Variants in COLEC11 observed in about 807,000 individuals in gnomAD.
The protein encoded by COLEC11 is collectin subfamily member 11.
A neutral mutation model predicts 27.3 loss-of-function variants in COLEC11; 20 were observed. That is an observed-to-expected ratio of 0.73 (90% CI 0.51 to 1.06). The LOEUF (loss-of-function observed/expected upper bound fraction) is 1.06. COLEC11 is among the 50% of genes least tolerant of loss of function. The probability of loss-of-function intolerance (pLI) is 0.00; values close to 1 mark genes in which losing one functional copy is unlikely to be tolerated. For synonymous variants in COLEC11, 163 were observed against 154.7 expected (o/e 1.05, Z -0.40); for missense variants, 310 against 383.0 (o/e 0.81, Z 1.59).
chr2:3,643,287 G>C (rs1279340727), intron 5 of COLEC11, among the ~76,000 whole-genome samples, 157 bp from the exon 6 acceptor site: 1 of 152,228 alleles, frequency 6.6e-6, no homozygotes, highest in Non-Finnish European at 1.5e-5. Context: ...TGCTCCCCCT[G>C]CCTTTAGGAT....
At chr2:3,631,065 T>A (rs1558511417) in intron 3 of COLEC11, among the ~76,000 whole-genome samples, 1 of 152,082 alleles carries the variant, frequency 6.6e-6, no homozygotes, top group Non-Finnish European at 1.5e-5. Flanking sequence ...ACCCCATCTC[T>A]ACTAAAAATA....
intron 1 of COLEC11, chr2:3,603,787 C>T (rs1194899372): frequency 3.2e-6 from 3 of 941,318 alleles, no homozygotes. Context: ...CCTTACTGAT[C>T]TCACCGAGGA....
intron 3 of COLEC11, among the ~76,000 whole-genome samples, chr2:3,624,407 T>G (rs1476115877): frequency 3.9e-5 from 6 of 152,214 alleles, no homozygotes; most frequent in African/African-American, 1.2e-4. Flanking sequence ...TCCATAGCCT[T>G]TCTTCCTAGC....
At position 3,644,439 on chromosome 2, in the gene COLEC11, G is replaced by C. The variant is rs1202887542; in HGVS notation, c.*321G>C. 1 of 546,992 alleles carries C rather than the reference G, an allele frequency of 1.8e-6. No homozygotes were observed. Among genetic ancestry groups the C allele is most frequent in the Non-Finnish European group, 3.5e-6 (1 of 288,264 alleles). The allele number at this position is 546,992 out of a possible 1,614,324, so 33.9% of individuals were successfully genotyped here. On this transcript the variant is annotated 3_prime_UTR_variant, in exon 7 of 7. Transcript: ENST00000349077. The stretch of plus-strand genomic sequence containing the variant: ...AGCTATACAATAAAATCTTTAAGTA[G>C]TGCAGTAGTTAAGTCCAAATAGTGG...
chr2:3,642,457 C>G (rs965461665), intron 5 of COLEC11, among the ~76,000 whole-genome samples: 1 of 152,166 alleles, frequency 6.6e-6, no homozygotes, highest in Non-Finnish European at 1.5e-5. Flanking sequence ...TCCCTCTCAT[C>G]AGGCCACTTG....
intron 3 of COLEC11, among the ~76,000 whole-genome samples, chr2:3,631,678 G>A (rs1346773761): frequency 3.3e-5 from 5 of 152,098 alleles, no homozygotes; most frequent in Non-Finnish European, 7.4e-5. Context: ...GAGAGGGCTC[G>A]GAGGGGCCCC....
intron 3 of COLEC11, among the ~76,000 whole-genome samples, chr2:3,619,550 G>A (rs1268952525): frequency 6.6e-6 from 1 of 152,176 alleles, no homozygotes; most frequent in Non-Finnish European, 1.5e-5. Flanking sequence ...TCTTCATTCT[G>A]TTAATGTGGC....
At chr2:3,625,743 C>T (rs1664507848) in intron 3 of COLEC11, among the ~76,000 whole-genome samples, 1 of 142,548 alleles carries the variant, frequency 7.0e-6, no homozygotes, top group African/African-American at 2.6e-5. Flanking sequence ...AGTGATTCTC[C>T]TGCCTCAGCC....
intron 2 of COLEC11, among the ~76,000 whole-genome samples, chr2:3,606,712 G>T (rs1307104964): frequency 2.0e-5 from 3 of 152,254 alleles, no homozygotes; most frequent in African/African-American, 7.2e-5. Context: ...CAAGCGAGAG[G>T]CGAGCACCAG....
At chr2:3,641,364 G>A (rs553332929) in intron 5 of COLEC11, 1 of 1,301,768 alleles carries the variant, frequency 7.7e-7, no homozygotes, top group East Asian at 5.6e-5. Flanking sequence ...ATCCGCTCAG[G>A]GCACCTCCAG....
rs975443343 is a variant in COLEC11 at position 3,644,630 on chromosome 2, A to G, written c.*512A>G. ...CAGATTTCAGGAAAACAACAACAAA[A>G]TTCTCCAAACTTTACTACTAAATGT... is the stretch of plus-strand genomic sequence containing the variant. On this transcript the variant is annotated 3_prime_UTR_variant, in exon 7 of 7. Coordinates refer to ENST00000349077, the MANE Select transcript of COLEC11 (RefSeq NM_024027.5). 12 of 359,774 alleles carry G rather than the reference A, an allele frequency of 3.3e-5. No individual in the cohort carries two copies. The highest frequency in any genetic ancestry group is 2.4e-4 in the African/African-American group (11 of 46,782). 22.3% of individuals were successfully genotyped at this position (359,774 alleles called of 1,614,324 possible).
At position 3,643,471 on chromosome 2, in the gene COLEC11, G is replaced by A. The variant is rs1360887774; in HGVS notation, c.356G>A (p.Arg119His). The A allele has an allele frequency of 1.1e-5, 18 of 1,613,684 alleles. No individual in the cohort carries two copies. Among genetic ancestry groups the A allele is most frequent in the African/African-American group, 8.0e-5 (6 of 74,948 alleles). ...CTCCCATGTGAGTGCAGCCAGCTGC[G>A]CAAGGCCATCGGGGAGATGGACAAC... ...PGLPCECSQL[R>H]KAIGEMDNQV... The change falls in exon 6 of 7, where the codon CGC (arginine) becomes CAC (histidine). Residue 119 changes from arginine to histidine, a missense_variant. Physicochemically the swap from Arg to His is conservative, Grantham distance 29 (BLOSUM62 0). Coordinates refer to ENST00000349077, the MANE Select transcript of COLEC11 (RefSeq NM_024027.5).
chr2:3,617,371 A>G (rs912977483), intron 3 of COLEC11, among the ~76,000 whole-genome samples: 4 of 152,136 alleles, frequency 2.6e-5, no homozygotes, highest in Non-Finnish European at 5.9e-5. Context: ...AGCCAGACAG[A>G]TGGGAGAGAC....
chr2:3,612,640 G>C (rs1339615884), intron 2 of COLEC11, among the ~76,000 whole-genome samples: 1 of 152,114 alleles, frequency 6.6e-6, no homozygotes, highest in Non-Finnish European at 1.5e-5. Flanking sequence ...AGACTGGAGT[G>C]GAGGTGTTGG....
chr2:3,636,848 T>G (rs1470013959), intron 3 of COLEC11, among the ~76,000 whole-genome samples: 1 of 152,074 alleles, frequency 6.6e-6, no homozygotes, highest in Non-Finnish European at 1.5e-5. Context: ...GACAATCCCG[T>G]GGGATCTTGG....
intron 1 of COLEC11, among the ~76,000 whole-genome samples, chr2:3,595,523 C>G (rs1157151804): frequency 6.6e-6 from 1 of 152,232 alleles, no homozygotes; most frequent in African/African-American, 2.4e-5. Flanking sequence ...AGTACCTGGT[C>G]TCACAACCTG....
chr2:3,642,653 CCT>C (rs990573129), intron 5 of COLEC11, among the ~76,000 whole-genome samples: 3 of 152,210 alleles, frequency 2.0e-5, no homozygotes, highest in African/African-American at 7.2e-5. Flanking sequence ...ACCCCGGGCC[CCT>C]GTCTTTCCCT....
rs151264028 is a variant in COLEC11, at chr2:3,637,802, T to C, written c.274+198T>C. 5.4e-3 allele frequency among the ~76,000 whole-genome samples: 828 copies of C among 152,322 alleles called. 7 individuals are homozygous for C. The highest frequency in any genetic ancestry group is 0.019 in the African/African-American group (790 of 41,566). On this transcript the variant is annotated intron_variant, in intron 4 of 6. Transcript: ENST00000349077. ...AGTTGCTGGCTCTGTGCTTACAGGGTGCGGTGAAGCGCTCCCCATTCTGCA... is the reference window on the plus strand; with the variant it reads ...AGTTGCTGGCTCTGTGCTTACAGGGCGCGGTGAAGCGCTCCCCATTCTGCA...
intron 1 of COLEC11, among the ~76,000 whole-genome samples, chr2:3,596,040 G>A (rs1661815644): frequency 6.6e-6 from 1 of 152,232 alleles, no homozygotes; most frequent in Admixed American, 6.5e-5. Context: ...GGGAAGATAA[G>A]AGAGGATAGG....
Sources: allele counts gnomAD v4.1 joint callset (sites outside exome capture counted in the v4.1 genomes callset), GRCh38; gene constraint gnomAD v4.1.1; transcripts MANE v1.5; gene names NCBI Gene and HGNC (gene_info 2026-07-23, HGNC 2026-07-21).